Variants in CHRM3 observed in about 807,000 individuals in gnomAD.
CHRM3 encodes the protein cholinergic receptor muscarinic 3.
In CHRM3, 11 loss-of-function variants were observed where a neutral mutation model predicts 41.8. The ratio of observed to expected loss-of-function variants is 0.26; its 90% confidence interval spans 0.17 to 0.44. The LOEUF is 0.44. Among genes scored for constraint, CHRM3 ranks in the 20% least tolerant of loss-of-function variants. The probability of loss-of-function intolerance (pLI) is 1.00; values close to 1 mark genes in which losing one functional copy is unlikely to be tolerated. For missense variants in CHRM3, 571 were observed against 745.4 expected, an observed-to-expected ratio of 0.77 and a Z score of 2.72; for synonymous variants, 297 against 301.4, an observed-to-expected ratio of 0.99 and a Z score of 0.15.
intron 5 of CHRM3, among the ~76,000 whole-genome samples, chr1:239,771,172 A>G (rs1667632739): frequency 6.6e-6 from 1 of 152,138 alleles, no homozygotes; most frequent in Admixed American, 6.5e-5. Flanking sequence ...TTTTCAGTGA[A>G]TAAGTTACCC....
intron 1 of CHRM3, among the ~76,000 whole-genome samples, chr1:239,449,409 A>C (rs973904154): frequency 1.1e-4 from 17 of 152,202 alleles, no homozygotes; most frequent in African/African-American, 4.1e-4. Flanking sequence ...GACTGGAACA[A>C]TACAATCCAA....
chr1:239,694,779 A>G (rs998346947), intron 5 of CHRM3, among the ~76,000 whole-genome samples: 11 of 152,296 alleles, frequency 7.2e-5, no homozygotes, highest in African/African-American at 2.4e-4. Flanking sequence ...ACTAATCTTA[A>G]TCTGCATTTT....
At chr1:239,502,453 C>T (rs1440633169) in intron 2 of CHRM3, among the ~76,000 whole-genome samples, 1 of 150,666 alleles carries the variant, frequency 6.6e-6, no homozygotes, top group Non-Finnish European at 1.5e-5. Context: ...AAATTAGCAA[C>T]AAAAAAAAAG....
chr1:239,716,800 G>A (rs1487875071), intron 5 of CHRM3, among the ~76,000 whole-genome samples: 2 of 152,058 alleles, frequency 1.3e-5, no homozygotes, highest in East Asian at 1.9e-4. Flanking sequence ...AGCTCAAGGG[G>A]AGCGGGGATG....
chr1:239,641,078 C>T (rs7413301), intron 4 of CHRM3, among the ~76,000 whole-genome samples: 2 of 152,052 alleles, frequency 1.3e-5, no homozygotes, highest in Non-Finnish European at 2.9e-5. Context: ...AGCGGTTTTG[C>T]GTGAGTTTCT....
chr1:239,868,757 G>C (rs1362576590), intron 6 of CHRM3, among the ~76,000 whole-genome samples: 1 of 152,172 alleles, frequency 6.6e-6, no homozygotes, highest in Non-Finnish European at 1.5e-5. Flanking sequence ...AAACCTGCCT[G>C]AGAAGCACAT....
chr1:239,721,731 A>G (rs985600720), intron 5 of CHRM3, among the ~76,000 whole-genome samples: 4 of 151,956 alleles, frequency 2.6e-5, no homozygotes, highest in African/African-American at 9.7e-5. Flanking sequence ...TTTCTACAGT[A>G]TGAGAAGTAC....
At chr1:239,471,856 TC>T (rs1666143186) in intron 1 of CHRM3, among the ~76,000 whole-genome samples, 1 of 152,178 alleles carries the variant, frequency 6.6e-6, no homozygotes, top group Non-Finnish European at 1.5e-5. Context: ...GGAAGCAGCT[TC>T]CCTGTGCGGC....
chr1:239,517,342 G>A (rs1046771488), intron 2 of CHRM3, among the ~76,000 whole-genome samples: 11 of 152,160 alleles, frequency 7.2e-5, no homozygotes, highest in African/African-American at 2.4e-5. Context: ...ATGTGAAAGC[G>A]GAGGTACAGA....
chr1:239,813,149 G>A (rs1442344139), intron 5 of CHRM3, among the ~76,000 whole-genome samples: 4 of 152,062 alleles, frequency 2.6e-5, no homozygotes, highest in African/African-American at 7.2e-5. Flanking sequence ...GTGGTGGCGG[G>A]TGCCTGTAAT....
intron 3 of CHRM3, among the ~76,000 whole-genome samples, chr1:239,576,014 C>A (rs1211992318): frequency 6.6e-6 from 1 of 152,084 alleles, no homozygotes; most frequent in African/African-American, 2.4e-5. Flanking sequence ...TGTTTCTATA[C>A]ATTTGACTAC....
chr1:239,575,764 T>G (rs1662275876), intron 3 of CHRM3, among the ~76,000 whole-genome samples: 1 of 151,142 alleles, frequency 6.6e-6, no homozygotes, highest in South Asian at 2.1e-4. Flanking sequence ...TATATAGAGA[T>G]ATATATACAC....
At chr1:239,594,046 A>T (rs997148) in intron 3 of CHRM3, among the ~76,000 whole-genome samples, 1 of 152,112 alleles carries the variant, frequency 6.6e-6, no homozygotes, top group Non-Finnish European at 1.5e-5. Context: ...ATAAGCAGGT[A>T]TCCTTTTTTC....
At chr1:239,511,461 AG>A (rs1225016339) in intron 2 of CHRM3, among the ~76,000 whole-genome samples, 1 of 152,224 alleles carries the variant, frequency 6.6e-6, no homozygotes, top group Admixed American at 6.5e-5. Flanking sequence ...AAGTTTTTAA[AG>A]GATTGAAAAA....
At chr1:239,436,896 A>G (rs1005346255) in intron 1 of CHRM3, among the ~76,000 whole-genome samples, 1 of 151,462 alleles carries the variant, frequency 6.6e-6, no homozygotes, top group Non-Finnish European at 1.5e-5. Context: ...TTGCCTATCT[A>G]TTTTCTGTTT....
intron 4 of CHRM3, among the ~76,000 whole-genome samples, chr1:239,654,783 C>A (rs1288663033): frequency 1.3e-5 from 2 of 152,068 alleles, no homozygotes; most frequent in East Asian, 3.8e-4. Flanking sequence ...TGAGTTGGAA[C>A]AAAGTGAGAA....
intron 5 of CHRM3, among the ~76,000 whole-genome samples, chr1:239,789,317 G>C (rs78949737): frequency 0.029 from 4,403 of 152,294 alleles, 196 homozygotes; most frequent in South Asian, 0.1. Context: ...ATTTGGCGAA[G>C]ATTAAGCAGT....
At chr1:239,403,189 A>G (rs1286634286) in intron 1 of CHRM3, among the ~76,000 whole-genome samples, 1 of 152,174 alleles carries the variant, frequency 6.6e-6, no homozygotes, top group Non-Finnish European at 1.5e-5. Flanking sequence ...TTATTTCTCC[A>G]TACGCCTCGT....
chr1:239,590,172 T>C (rs6429139), intron 3 of CHRM3, among the ~76,000 whole-genome samples: 5,405 of 152,230 alleles, frequency 0.036, 358 homozygotes, highest in African/African-American at 0.12. Flanking sequence ...ATGGTGGATT[T>C]GCTCTGGGAA....
Sources: gnomAD v4.1 joint callset for allele counts (sites outside exome capture counted in the v4.1 genomes callset) on GRCh38, gnomAD v4.1.1 for gene constraint, MANE v1.5 for transcripts, NCBI Gene and HGNC (gene_info 2026-07-23, HGNC 2026-07-21) for gene names.